PMEL: variants seen among roughly 807,000 people sequenced by gnomAD.
PMEL encodes the protein premelanosome protein.
Under a neutral mutation model 64.9 loss-of-function variants are expected in PMEL, and 53 were observed. The ratio of observed to expected loss-of-function variants is 0.82; its 90% CI spans 0.66 to 1.03. The LOEUF is 1.03. PMEL is among the 50% of genes least tolerant of loss of function. The probability of loss-of-function intolerance (pLI) is 0.00; values close to 1 mark genes in which losing one functional copy is unlikely to be tolerated. For synonymous variants in PMEL, 299 were observed against 316.2 expected, an observed-to-expected ratio of 0.95 and a Z score of 0.58; for missense variants, 716 against 814.9, an observed-to-expected ratio of 0.88 and a Z score of 1.48.
At position 55,957,662 on chromosome 12, in the gene PMEL, G is replaced by T; in HGVS notation, c.641C>A (p.Pro214His). 1 of 1,610,850 alleles carries T rather than the reference G, an allele frequency of 6.2e-7. No individual in the cohort carries two copies. The highest frequency in any genetic ancestry group is 1.1e-5 in the South Asian group (1 of 90,672). The change falls in exon 6 of 11, where the codon CCT (proline) becomes CAT (histidine). Residue 214 changes from proline (P) to histidine (H), a missense_variant. Coordinates refer to ENST00000548747, the MANE Select transcript of PMEL (RefSeq NM_001384361.1). ...CAACTGGGACACGCTCACGGAGAAA[G>T]GCACCTGGTCTGGGATTGGAGCCAG... ...SSAFTITDQV[P>H]FSVSVSQLRA...
intron 10 of PMEL, 66 bp downstream of exon 10, chr12:55,955,208 C>G: frequency 8.4e-7 from 1 of 1,195,530 alleles, no homozygotes; most frequent in South Asian, 1.2e-5. Context: ...TTCTTCTCCC[C>G]TTGAGGAAAA....
rs1323859994 is a variant in PMEL at position 55,958,478 on chromosome 12, G to C, written c.464C>G (p.Thr155Ser). ...QKRSFVYVWK[T>S]WGQYWQVLGG... The stretch of plus-strand genomic sequence containing the variant: ...CTGAGAAGGGAGTCCCTCACCCCAG[G>C]TCTTCCAGACATAAACAAAGCTTCT... The change falls in exon 4 of 11, where the codon ACC (threonine) becomes AGC (serine). Residue 155 changes from threonine (T) to serine (S), a missense_variant. By Grantham distance (58) the Thr-to-Ser change is moderately conservative. Transcript: ENST00000548747. 2 of 1,613,928 alleles carry C rather than the reference G, an allele frequency of 1.2e-6. No homozygotes were observed. The highest frequency in any genetic ancestry group is 2.2e-5 in the South Asian group (2 of 91,056).
At chr12:55,962,555 G>A (rs1186086323) in intron 1 of PMEL, among the ~76,000 whole-genome samples, 1 of 107,340 alleles carries the variant, frequency 9.3e-6, no homozygotes, top group African/African-American at 3.8e-5. Context: ...ATGGAGTCTC[G>A]CTCTGCCCCC....
In PMEL at chr12:55,961,365, C is replaced by A. The variant is rs1889095949; in HGVS notation, c.286G>T (p.Val96Leu). Reference sequence around the variant, plus strand: ...CAGATAACCTGCCCATCTGGCAATACCTTTTGGCTTCCAGGGAAGTTCAAG... The same window carrying A: ...CAGATAACCTGCCCATCTGGCAATAACTTTTGGCTTCCAGGGAAGTTCAAG... Reference protein sequence around the residue: ...IALNFPGSQKVLPDGQVIWVN... With the variant: ...IALNFPGSQKLLPDGQVIWVN... The change falls in exon 3 of 11, where the codon GTA becomes TTA. Residue 96 changes from valine (V) to leucine (L), a missense_variant. Transcript: ENST00000548747. 1.9e-6 allele frequency: 3 copies of A among 1,614,046 alleles called. No individual in the cohort carries two copies. The highest frequency in any genetic ancestry group is 2.7e-5 in the African/African-American group (2 of 74,930).
At chr12:55,964,474 T>C (rs112733012) in intron 1 of PMEL, among the ~76,000 whole-genome samples, 5,854 of 151,924 alleles carry the variant, frequency 0.039, 358 homozygotes, top group African/African-American at 0.13. Context: ...CCTGGCTAAT[T>C]TTTTTACGTT....
intron 1 of PMEL, among the ~76,000 whole-genome samples, chr12:55,964,425 G>A (rs1889211735): frequency 6.6e-6 from 1 of 152,070 alleles, no homozygotes; most frequent in Non-Finnish European, 1.5e-5. Context: ...CTCGCAAAGT[G>A]CTGGGATTAC....
chr12:55,960,760 G>A (rs2136445134), intron 3 of PMEL, among the ~76,000 whole-genome samples: 1 of 147,454 alleles, frequency 6.8e-6, no homozygotes, highest in East Asian at 2.0e-4. Context: ...TGTTAGCCAG[G>A]ATGGTCTGGA....
At chr12:55,966,377 G>C, upstream of PMEL, 1 of 247,232 alleles carries the variant, frequency 4.0e-6, no homozygotes, top group South Asian at 5.9e-5. Context: ...TCCCAAAACA[G>C]AGACAGTGTC....
At chr12:55,955,247 G>A (rs751975868) in intron 10 of PMEL, 27 bp downstream of exon 10, 18 of 1,468,190 alleles carry the variant, frequency 1.2e-5, no homozygotes, top group Middle Eastern at 1.7e-4. Context: ...GGATAAGGGG[G>A]TCTGAGCTGT....
At position 55,959,380 on chromosome 12, in the gene PMEL, G is replaced by A. The variant is rs1008076365; in HGVS notation, c.335-773C>T. ...AGCCTGGGAGAGAGAGAAGGACCCC[G>A]ACTTTAAAATAAATAAATAAATAAA... On this transcript the variant is annotated intron_variant, in intron 3 of 10. Transcript: ENST00000548747. 4.1e-5 allele frequency among the ~76,000 whole-genome samples: 6 copies of A among 145,182 alleles called. No homozygotes were observed. The South Asian group carries it at 8.4e-4, about 20-fold the overall frequency.
chr12:55,958,091 T>A lies in PMEL; in HGVS notation c.470-7A>T, dbSNP rs1888965466. On this transcript the variant is annotated splice_polypyrimidine_tract_variant and splice_region_variant and intron_variant, in intron 4 of 10. Transcript: ENST00000548747. ...AGAACTTGCCAGTATTGGCCTGAAG[T>A]TTTTGGAATGAAAAGCAAGGAAGAA... 6.2e-7 allele frequency: 1 copy of A among 1,612,882 alleles called. No individual in the cohort carries two copies. The highest frequency in any genetic ancestry group is 8.5e-7 in the Non-Finnish European group (1 of 1,179,392).
At chr12:55,958,665 A>G (rs1320170721) in intron 3 of PMEL, 58 bp from the exon 4 acceptor site, 6 of 1,569,552 alleles carry the variant, frequency 3.8e-6, no homozygotes, top group Non-Finnish European at 5.2e-6. Flanking sequence ...GTATATCAAA[A>G]CCCCTAAAAT....
chr12:55,959,480 G>A (rs1424500987), intron 3 of PMEL, among the ~76,000 whole-genome samples: 1 of 151,966 alleles, frequency 6.6e-6, no homozygotes, highest in Non-Finnish European at 1.5e-5. Flanking sequence ...AATATTTAGA[G>A]TGATTTGCTC....
chr12:55,964,634 T>A (rs1889219201), intron 1 of PMEL, among the ~76,000 whole-genome samples: 1 of 151,958 alleles, frequency 6.6e-6, no homozygotes, highest in African/African-American at 2.4e-5. Flanking sequence ...TCTTTTCTTT[T>A]TTTATTTTTT....
In PMEL at chr12:55,955,813, C is replaced by G. The variant is rs764582176; in HGVS notation, c.1522G>C (p.Asp508His). The change falls in exon 8 of 11, where the codon GAT becomes CAT. Residue 508 changes from aspartate to histidine, a missense_variant. Physicochemically the swap from Asp to His is moderately conservative, Grantham distance 81. Transcript: ENST00000548747. ...CAGGACACAGTCAGCTCAAATGCAT[C>G]CCCCTCACCGGACGGCACAGCCTGC... is the stretch of plus-strand genomic sequence containing the variant. Reference protein sequence around the residue: ...ILQAVPSGEGDAFELTVSCQG... With the variant: ...ILQAVPSGEGHAFELTVSCQG... The G allele has an allele frequency of 1.9e-6, 3 of 1,614,060 alleles. No individual in the cohort carries two copies. In the South Asian group the frequency reaches 3.3e-5, roughly 18 times the overall value.
In PMEL at chr12:55,958,618, A is replaced by G. The variant is rs370619581; in HGVS notation, c.335-11T>C. On this transcript the variant is annotated splice_polypyrimidine_tract_variant and intron_variant, in intron 3 of 10. Transcript: ENST00000548747. ...CCCACACCTGGCTCCCTGAAAGATA[A>G]ATACAGAGTCACTCTCAAACCCTGG... 11 of 1,611,848 alleles carry G rather than the reference A, an allele frequency of 6.8e-6. No homozygotes were observed. The highest frequency in any genetic ancestry group is 9.3e-6 in the Non-Finnish European group (11 of 1,179,200).
intron 1 of PMEL, among the ~76,000 whole-genome samples, chr12:55,964,837 G>T (rs536974723): frequency 1.3e-5 from 2 of 151,688 alleles, no homozygotes; most frequent in East Asian, 3.9e-4. Flanking sequence ...TATTGGCCAG[G>T]CTGGTCTGAC....
At chr12:55,958,877 G>C (rs563701876) in intron 3 of PMEL, among the ~76,000 whole-genome samples, 2 of 151,964 alleles carry the variant, frequency 1.3e-5, no homozygotes, top group East Asian at 3.9e-4. Context: ...AACCTCCCAG[G>C]GTCAAGCAAT....
At chr12:55,958,717 A>G in intron 3 of PMEL, 110 bp from the exon 4 acceptor site, 1 of 1,099,236 alleles carries the variant, frequency 9.1e-7, no homozygotes, top group Non-Finnish European at 1.3e-6. Flanking sequence ...AATATTCCCT[A>G]GCTAGAAAGT....
Sources: gnomAD v4.1 joint callset for allele counts (sites outside exome capture counted in the v4.1 genomes callset) on GRCh38, gnomAD v4.1.1 for gene constraint, MANE v1.5 for transcripts, NCBI Gene and HGNC (gene_info 2026-07-23, HGNC 2026-07-21) for gene names.